The following GALNTL6 variants were observed in gnomAD, a reference collection of about 807,000 sequenced individuals.
The protein encoded by GALNTL6 is polypeptide N-acetylgalactosaminyltransferase-like 6.
In GALNTL6, 46 loss-of-function variants were observed where a neutral mutation model predicts 73.7. That is an observed-to-expected ratio of 0.62 (90% CI 0.49 to 0.80). GALNTL6 has a LOEUF of 0.80. Ranked by LOEUF, GALNTL6 falls within the 30% of genes least tolerant of loss-of-function variation. The pLI is 0.00. For missense variants in GALNTL6, 604 were observed against 755.0 expected (o/e 0.80, Z 2.34); for synonymous variants, 259 against 263.7 (o/e 0.98, Z 0.17).
intron 2 of GALNTL6, among the ~76,000 whole-genome samples, chr4:172,011,200 C>T (rs1740995159): frequency 6.6e-6 from 1 of 152,078 alleles, no homozygotes. Flanking sequence ...TGAAGCACAA[C>T]ATTCTGATCC....
At chr4:172,788,398 C>A (rs552092698) in intron 5 of GALNTL6, among the ~76,000 whole-genome samples, 2 of 151,912 alleles carry the variant, frequency 1.3e-5, no homozygotes, top group African/African-American at 4.8e-5. Context: ...ATGGGCCGGG[C>A]GCGGTGGCTC....
intron 5 of GALNTL6, among the ~76,000 whole-genome samples, chr4:172,785,013 T>C (rs1739576980): frequency 6.6e-6 from 1 of 152,154 alleles, no homozygotes; most frequent in South Asian, 2.1e-4. Context: ...CAAGGACAGA[T>C]GCAGTGCCTG....
chr4:171,979,417 CA>C (rs1739823642), intron 2 of GALNTL6, among the ~76,000 whole-genome samples: 1 of 151,984 alleles, frequency 6.6e-6, no homozygotes, highest in African/African-American at 2.4e-5. Context: ...ACAACCCAGG[CA>C]AAAATAAAGC....
chr4:172,283,974 C>A (rs1036585591), intron 3 of GALNTL6, among the ~76,000 whole-genome samples: 7 of 152,010 alleles, frequency 4.6e-5, no homozygotes, highest in Non-Finnish European at 1.0e-4. Flanking sequence ...AAACTAAAAT[C>A]TAATTTTAGT....
chr4:172,685,115 C>CTA (rs1732842484), intron 5 of GALNTL6, among the ~76,000 whole-genome samples: 1 of 151,996 alleles, frequency 6.6e-6, no homozygotes, highest in South Asian at 2.1e-4. Context: ...GAGGAAAATA[C>CTA]TATGGCAAGT....
At chr4:172,324,252 G>A (rs991942884) in intron 4 of GALNTL6, among the ~76,000 whole-genome samples, 17 of 151,822 alleles carry the variant, frequency 1.1e-4, no homozygotes, top group African/African-American at 2.9e-4. Flanking sequence ...GGTAAAGTAC[G>A]TTGAATAATA....
intron 5 of GALNTL6, among the ~76,000 whole-genome samples, chr4:172,515,119 G>A (rs976292777): frequency 2.0e-5 from 3 of 152,240 alleles, no homozygotes; most frequent in Non-Finnish European, 4.4e-5. Context: ...GCTATGAGAT[G>A]TAGATGTACA....
chr4:172,598,809 T>G (rs1737952758), intron 5 of GALNTL6, among the ~76,000 whole-genome samples: 1 of 152,196 alleles, frequency 6.6e-6, no homozygotes, highest in Non-Finnish European at 1.5e-5. Flanking sequence ...TTCTATTATT[T>G]GCAGCATAAA....
intron 8 of GALNTL6, among the ~76,000 whole-genome samples, chr4:172,892,151 C>T (rs760294686): frequency 6.6e-6 from 1 of 152,174 alleles, no homozygotes; most frequent in Non-Finnish European, 1.5e-5. Flanking sequence ...TTATTTCAGA[C>T]ATTTCAATGT....
At chr4:172,347,491 A>G (rs1451204320) in intron 4 of GALNTL6, among the ~76,000 whole-genome samples, 1 of 152,188 alleles carries the variant, frequency 6.6e-6, no homozygotes, top group East Asian at 1.9e-4. Flanking sequence ...TCAAAGCACA[A>G]TTAGTTGGGC....
At chr4:172,059,118 C>CTA (rs1231842940) in intron 2 of GALNTL6, among the ~76,000 whole-genome samples, 1 of 152,112 alleles carries the variant, frequency 6.6e-6, no homozygotes, top group East Asian at 1.9e-4. Context: ...TCTGAGTTGC[C>CTA]TAGAGGAGAG....
chr4:172,446,004 T>G (rs1031718985), intron 5 of GALNTL6, among the ~76,000 whole-genome samples: 10 of 152,078 alleles, frequency 6.6e-5, no homozygotes, highest in Admixed American at 6.6e-4. Flanking sequence ...TCAAGTTCAA[T>G]GTAGAAGACA....
intron 5 of GALNTL6, among the ~76,000 whole-genome samples, chr4:172,435,484 G>C (rs192231888): frequency 6.6e-6 from 1 of 152,088 alleles, no homozygotes; most frequent in Non-Finnish European, 1.5e-5. Flanking sequence ...ATGAGTGGGC[G>C]TTACAGAGAA....
At chr4:172,201,378 T>C (rs1735949078) in intron 2 of GALNTL6, among the ~76,000 whole-genome samples, 1 of 151,920 alleles carries the variant, frequency 6.6e-6, no homozygotes, top group Non-Finnish European at 1.5e-5. Context: ...GGCTAATTTT[T>C]TGTATTTTAG....
rs753051714 is a variant in GALNTL6, at chr4:172,609,625, C to CTCTCTGTGTGTGTGTGTGTG, written c.554-199735_554-199734insCTCTGTGTGTGTGTGTGTGT. Among the ~76,000 whole-genome samples the CTCTCTGTGTGTGTGTGTGTG allele has an allele frequency of 7.1e-4, 66 of 92,770 alleles. 1 individual carries two copies. The highest frequency in any genetic ancestry group is 1.2e-3 in the Non-Finnish European group (62 of 50,396). 60.9% of individuals were successfully genotyped at this position (92,770 alleles called of 152,430 possible). ...TTTCTCTCTCTCTCTCTCTCTCTCT[C>CTCTCTGTGTGTGTGTGTGTG]TGTGTGTGTGTGTGTGTGTGTGTGT... On this transcript the variant is annotated intron_variant, in intron 5 of 12. Coordinates refer to ENST00000506823, the MANE Select transcript of GALNTL6 (RefSeq NM_001034845.3).
intron 5 of GALNTL6, among the ~76,000 whole-genome samples, chr4:172,638,419 C>G (rs1739795682): frequency 6.6e-6 from 1 of 152,054 alleles, no homozygotes; most frequent in African/African-American, 2.4e-5. Flanking sequence ...GGCAGGGGAG[C>G]TAGAATTCAA....
At chr4:172,842,317 G>A (rs150175885) in intron 7 of GALNTL6, among the ~76,000 whole-genome samples, 8 of 152,218 alleles carry the variant, frequency 5.3e-5, no homozygotes, top group South Asian at 2.1e-4. Context: ...GACAGAATAT[G>A]GCCCTCTGTC....
chr4:172,955,127 C>G (rs1749649971), intron 10 of GALNTL6, among the ~76,000 whole-genome samples: 1 of 151,996 alleles, frequency 6.6e-6, no homozygotes, highest in African/African-American at 2.4e-5. Context: ...GCAGCTTAAT[C>G]AAAATGAAAT....
At position 172,710,695 on chromosome 4, in the gene GALNTL6, T is replaced by C. The variant is rs183139990; in HGVS notation, c.554-98666T>C. ...TTCTAGGAAAATAATATCTTCAATTTGGAACATGGAATAAGTTGGACCCAC... is the reference window on the plus strand; with the variant it reads ...TTCTAGGAAAATAATATCTTCAATTCGGAACATGGAATAAGTTGGACCCAC... On this transcript the variant is annotated intron_variant, in intron 5 of 12. Coordinates refer to ENST00000506823, the MANE Select transcript of GALNTL6 (RefSeq NM_001034845.3). Among the ~76,000 whole-genome samples, 107 of 152,298 alleles carry C rather than the reference T, an allele frequency of 7.0e-4. 2 individuals are homozygous for C. Among genetic ancestry groups the C allele is most frequent in the Admixed American group, 7.0e-3 (107 of 15,288 alleles).
Sources: allele counts gnomAD v4.1 joint callset (sites outside exome capture counted in the v4.1 genomes callset), GRCh38; gene constraint gnomAD v4.1.1; transcripts MANE v1.5; gene names NCBI Gene and HGNC (gene_info 2026-07-23, HGNC 2026-07-21).